Variants in BANK1 observed in about 807,000 individuals in gnomAD.
The protein encoded by BANK1 is B-cell scaffold protein with ankyrin repeats.
A neutral mutation model predicts 94.5 loss-of-function variants in BANK1; 95 were observed. The ratio of observed to expected loss-of-function variants is 1.00; its 90% CI spans 0.85 to 1.19. BANK1 has a LOEUF of 1.19. BANK1 is among the 50% of genes most tolerant of loss of function. The pLI is 0.00. For synonymous variants in BANK1, 334 were observed against 308.4 expected (o/e 1.08, Z -0.87); for missense variants, 987 against 932.2 (o/e 1.06, Z -0.77).
At chr4:102,003,990 C>T (rs561102856) in intron 7 of BANK1, among the ~76,000 whole-genome samples, 4 of 151,108 alleles carry the variant, frequency 2.6e-5, no homozygotes, top group African/African-American at 9.7e-5. Context: ...TACACATATA[C>T]ATATATGTAT....
At chr4:102,063,299 T>G (rs1728485962) in intron 13 of BANK1, among the ~76,000 whole-genome samples, 161 bp downstream of exon 13, 1 of 152,094 alleles carries the variant, frequency 6.6e-6, no homozygotes, top group Non-Finnish European at 1.5e-5. Context: ...ATTCCTTGTC[T>G]GCAAAATATG....
At chr4:102,069,035 G>A (rs1728677632) in intron 13 of BANK1, among the ~76,000 whole-genome samples, 1 of 151,950 alleles carries the variant, frequency 6.6e-6, no homozygotes, top group Non-Finnish European at 1.5e-5. Context: ...CAGTAAATGA[G>A]GACAAGGCAG....
chr4:101,913,050 C>G (rs1456970963), intron 6 of BANK1, among the ~76,000 whole-genome samples: 1 of 152,150 alleles, frequency 6.6e-6, no homozygotes, highest in African/African-American at 2.4e-5. Context: ...TACCTGTAAG[C>G]CATGGCCCTG....
At chr4:101,890,116 T>G (rs565042012) in intron 5 of BANK1, among the ~76,000 whole-genome samples, 1 of 152,290 alleles carries the variant, frequency 6.6e-6, no homozygotes, top group South Asian at 2.1e-4. Flanking sequence ...CTCAAACCCT[T>G]GGAAAGAATG....
Position 102,041,281 on chromosome 4 carries a change from A to G in BANK1, c.1901-2558A>G, listed in dbSNP as rs181971361. Among the ~76,000 whole-genome samples, 27 of 152,214 alleles carry G rather than the reference A, an allele frequency of 1.8e-4. 1 individual carries two copies. Among genetic ancestry groups the G allele is most frequent in the Non-Finnish European group, 3.1e-4 (21 of 67,970 alleles). ...GCTAATAGGAACTATAAAGATAGAA[A>G]GATGAACAGATTCTGAAATTTTACT... On this transcript the variant is annotated intron_variant, in intron 10 of 16. Coordinates refer to ENST00000322953, the MANE Select transcript of BANK1 (RefSeq NM_017935.5).
In BANK1 at chr4:101,790,922, C is replaced by A; in HGVS notation, c.42C>A (p.Asp14Glu). ...CAGGCAAGGGGCTTGGGAGCCCGGA[C>A]CCCGCCCCCTGCGGCCCAGCGCCCC... ...AAPGKGLGSPDPAPCGPAPPG... is the reference protein window; with the variant it reads ...AAPGKGLGSPEPAPCGPAPPG... The change falls in exon 1 of 17, where the codon GAC becomes GAA. Residue 14 changes from aspartate to glutamate, a missense_variant. By Grantham distance (45) the Asp-to-Glu change is conservative (BLOSUM62 2). Coordinates refer to ENST00000322953, the MANE Select transcript of BANK1 (RefSeq NM_017935.5). 6.5e-7 allele frequency: 1 copy of A among 1,533,134 alleles called. No homozygotes were observed. Among genetic ancestry groups the A allele is most frequent in the Admixed American group, 2.0e-5 (1 of 50,234 alleles). The allele number at this position is 1,533,134 out of a possible 1,614,324, so 95.0% of individuals were successfully genotyped here.
chr4:101,854,980 G>A, intron 2 of BANK1, 55 bp from the exon 3 acceptor site: 1 of 1,382,502 alleles, frequency 7.2e-7, no homozygotes, highest in South Asian at 1.4e-5. Flanking sequence ...TAGCAATGGA[G>A]GAAATACTGT....
intron 3 of BANK1, among the ~76,000 whole-genome samples, chr4:101,860,715 G>T (rs762492518): frequency 6.6e-6 from 1 of 152,182 alleles, no homozygotes; most frequent in Non-Finnish European, 1.5e-5. Flanking sequence ...ACAGGCATGA[G>T]CCACCGCACC....
At chr4:102,018,692 A>G (rs1034071206) in intron 7 of BANK1, among the ~76,000 whole-genome samples, 1 of 152,200 alleles carries the variant, frequency 6.6e-6, no homozygotes, top group Admixed American at 6.5e-5. Context: ...ATTTAATCTT[A>G]ATCTTTCATT....
intron 7 of BANK1, among the ~76,000 whole-genome samples, chr4:101,932,620 G>A (rs1005139940): frequency 2.0e-5 from 3 of 151,492 alleles, no homozygotes; most frequent in African/African-American, 7.3e-5. Context: ...TATAGCTGAT[G>A]TATTATATGC....
At chr4:101,822,442 A>G (rs28602583) in intron 1 of BANK1, among the ~76,000 whole-genome samples, 8,819 of 152,024 alleles carry the variant, frequency 0.058, 889 homozygotes, top group African/African-American at 0.2. Flanking sequence ...TTATTATTCA[A>G]ATTCTCTAAA....
At chr4:102,008,881 T>G (rs777610036) in intron 7 of BANK1, among the ~76,000 whole-genome samples, 1 of 152,200 alleles carries the variant, frequency 6.6e-6, no homozygotes, top group Non-Finnish European at 1.5e-5. Flanking sequence ...TGTCTCCTGT[T>G]TCTCAAAAAA....
intron 6 of BANK1, among the ~76,000 whole-genome samples, chr4:101,905,443 G>A (rs1424353443): frequency 6.6e-6 from 1 of 152,160 alleles, no homozygotes; most frequent in Non-Finnish European, 1.5e-5. Context: ...TCCCGAAATC[G>A]GGTTCCCATC....
intron 7 of BANK1, among the ~76,000 whole-genome samples, chr4:101,938,028 T>C (rs1196828919): frequency 6.6e-6 from 1 of 151,076 alleles, no homozygotes; most frequent in Admixed American, 6.6e-5. Flanking sequence ...CCATAAGTGA[T>C]AGTTGAACAA....
intron 3 of BANK1, among the ~76,000 whole-genome samples, chr4:101,856,911 A>G (rs888341652): frequency 2.0e-5 from 3 of 152,188 alleles, no homozygotes; most frequent in African/African-American, 7.2e-5. Context: ...AAAGTAAGCT[A>G]ATCATTGGAC....
In BANK1 at chr4:101,968,609, G is replaced by A. The variant is rs111583344; in HGVS notation, c.1206+50420G>A. Among the ~76,000 whole-genome samples the A allele has an allele frequency of 6.5e-3, 988 of 152,052 alleles. 11 individuals are homozygous for A. The highest frequency in any genetic ancestry group is 0.022 in the African/African-American group (918 of 41,502). ...AGACAAGTAAGAAGGTGATGGGTGG[G>A]GCTCTGCTCCCAGAGAACGAAAGTA... On this transcript the variant is annotated intron_variant, in intron 7 of 16. Transcript: ENST00000322953.
In BANK1 at chr4:102,030,167, C is replaced by T. The variant is rs1474557419; in HGVS notation, c.1802C>T (p.Thr601Ile). 1 of 1,614,044 alleles carries T rather than the reference C, an allele frequency of 6.2e-7. No homozygotes were observed. Reference sequence around the variant, plus strand: ...GCCAATCTGAGTATAAAGAAAAAAACTGGGAGTCGGTCTTTCATTATAAAT... The same window carrying T: ...GCCAATCTGAGTATAAAGAAAAAAATTGGGAGTCGGTCTTTCATTATAAAT... ...ILANLSIKKK[T>I]GSRSFIINRP... Residue 601 changes from threonine to isoleucine, a missense_variant, in exon 10 of 17, where the codon ACT (threonine) becomes ATT (isoleucine). Thr to Ile is a moderately conservative substitution (Grantham distance 89, BLOSUM62 -1). Coordinates refer to ENST00000322953, the MANE Select transcript of BANK1 (RefSeq NM_017935.5).
chr4:101,987,760 T>A (rs1725565777), intron 7 of BANK1, among the ~76,000 whole-genome samples: 1 of 152,198 alleles, frequency 6.6e-6, no homozygotes, highest in African/African-American at 2.4e-5. Flanking sequence ...TTTGTGAGAG[T>A]CATTAGACAT....
At chr4:101,989,991 T>C (rs534835535) in intron 7 of BANK1, among the ~76,000 whole-genome samples, 1 of 152,280 alleles carries the variant, frequency 6.6e-6, no homozygotes, top group South Asian at 2.1e-4. Context: ...TTCCCAAATA[T>C]CATGTGAAGT....
Sources: gnomAD v4.1 joint callset for allele counts (sites outside exome capture counted in the v4.1 genomes callset) on GRCh38, gnomAD v4.1.1 for gene constraint, MANE v1.5 for transcripts, NCBI Gene and HGNC (gene_info 2026-07-23, HGNC 2026-07-21) for gene names.